The following POMP variants were observed in gnomAD, a reference collection of about 807,000 sequenced individuals.
POMP encodes the protein proteasome maturation protein.
In POMP, 12 loss-of-function variants were observed where a neutral mutation model predicts 20.6. That is an observed-to-expected ratio of 0.58 (90% CI 0.37 to 0.94). The LOEUF (loss-of-function observed/expected upper bound fraction) is 0.94, where lower values mean the gene tolerates loss of function less well. POMP is among the 40% of genes least tolerant of loss of function. POMP has a pLI of 0.01. For synonymous variants in POMP, 53 were observed against 55.0 expected (o/e 0.96, Z 0.16); for missense variants, 136 against 161.1 (o/e 0.84, Z 0.84).
At chr13:28,674,138 T>A (rs984465508) in intron 5 of POMP, among the ~76,000 whole-genome samples, 1 of 152,178 alleles carries the variant, frequency 6.6e-6, no homozygotes, top group Non-Finnish European at 1.5e-5. Context: ...CGGTTTGAGA[T>A]CTTACTCTAC....
In POMP at chr13:28,665,593, G is replaced by A. The variant is rs74620733; in HGVS notation, c.162+1024G>A. Among the ~76,000 whole-genome samples the A allele has an allele frequency of 1.9e-3, 288 of 152,290 alleles. 5 individuals carry two copies. The East Asian group carries it at 0.046, about 24-fold the overall frequency. The stretch of plus-strand genomic sequence containing the variant: ...ATAGATGGATACATATTCCACTTTT[G>A]TATAAAGGATCTAACTAAAAAATAA... On this transcript the variant is annotated intron_variant, in intron 3 of 5. Coordinates refer to ENST00000380842, the MANE Select transcript of POMP (RefSeq NM_015932.6).
Position 28,664,531 on chromosome 13 carries a change from C to G in POMP, c.124C>G (p.Leu42Val). 6.3e-7 allele frequency: 1 copy of G among 1,578,888 alleles called. No individual in the cohort carries two copies. The highest frequency in any genetic ancestry group is 1.1e-5 in the South Asian group (1 of 89,512). ...CAGTTTTTCTTGTGTGAAAAATGAA[C>G]TTTTGCCTAGTCATCCCCTTGAATT... ...RKGFSCVKNE[L>V]LPSHPLELSE... is the part of the protein sequence containing the mutation. The change falls in exon 3 of 6, where the codon CTT becomes GTT. Residue 42 changes from leucine to valine, a missense_variant. Physicochemically the swap from Leu to Val is conservative, Grantham distance 32. Coordinates refer to ENST00000380842, the MANE Select transcript of POMP (RefSeq NM_015932.6).
In POMP at chr13:28,668,524, G is replaced by C; in HGVS notation, c.214G>C (p.Gly72Arg). ...MNFSTLRNIQ[G>R]LFAPLKLQME... ...TTTTTCCACACTGAGAAACATTCAG[G>C]GTCTATTTGCTCCGCTAAAATTACA... The change falls in exon 4 of 6, where the codon GGT (glycine) becomes CGT (arginine). Residue 72 changes from glycine to arginine, a missense_variant. Transcript: ENST00000380842. 5.6e-6 allele frequency: 9 copies of C among 1,613,206 alleles called. No individual in the cohort carries two copies. The highest frequency in any genetic ancestry group is 7.6e-6 in the Non-Finnish European group (9 of 1,179,270).
chr13:28,669,334 A>G (rs1438266709), intron 4 of POMP, among the ~76,000 whole-genome samples: 1 of 152,076 alleles, frequency 6.6e-6, no homozygotes, highest in East Asian at 1.9e-4. Context: ...ATTTGACACT[A>G]ATAATGGCTT....
At chr13:28,666,562 C>A (rs1470119416) in intron 3 of POMP, among the ~76,000 whole-genome samples, 1 of 152,234 alleles carries the variant, frequency 6.6e-6, no homozygotes. Context: ...GGCAGTCTCA[C>A]TCTTTATGTG....
intron 3 of POMP, among the ~76,000 whole-genome samples, chr13:28,665,178 A>T (rs1355871129): frequency 6.6e-6 from 1 of 152,206 alleles, no homozygotes; most frequent in African/African-American, 2.4e-5. Flanking sequence ...TAAAGAGAGG[A>T]TAGCATGTAT....
intron 1 of POMP, among the ~76,000 whole-genome samples, chr13:28,661,431 A>AT (rs1401738870): frequency 6.6e-6 from 1 of 152,224 alleles, no homozygotes; most frequent in Non-Finnish European, 1.5e-5. Flanking sequence ...GCTCGACTGC[A>AT]TTCCAGCCTG....
chr13:28,670,787 C>A (rs1439809403), intron 4 of POMP, among the ~76,000 whole-genome samples: 1 of 152,336 alleles, frequency 6.6e-6, no homozygotes, highest in South Asian at 2.1e-4. Context: ...TGGCTCATGC[C>A]TGTAATCCCA....
Position 28,678,322 on chromosome 13 carries a change from C to T in POMP, c.*220C>T. The T allele has an allele frequency of 3.8e-6, 2 of 527,580 alleles. No homozygotes were observed. Among genetic ancestry groups the T allele is most frequent in the South Asian group, 4.4e-5 (2 of 44,968 alleles). The allele number at this position is 527,580 out of a possible 1,614,324, so 32.7% of individuals were successfully genotyped here. On this transcript the variant is annotated 3_prime_UTR_variant, in exon 6 of 6. Coordinates refer to ENST00000380842, the MANE Select transcript of POMP (RefSeq NM_015932.6). ...TTAAAGCTCTTAATTTATATTAAAA[C>T]AGTAGCCTTTGTCTTTAAAAAAGTT...
chr13:28,671,840 C>T (rs1398813723), intron 4 of POMP, among the ~76,000 whole-genome samples: 4 of 152,106 alleles, frequency 2.6e-5, no homozygotes, highest in African/African-American at 9.7e-5. Context: ...TCAAAGACCA[C>T]CTATTTTGGT....
At chr13:28,677,582 C>G (rs769443943) in intron 5 of POMP, among the ~76,000 whole-genome samples, 5 of 152,058 alleles carry the variant, frequency 3.3e-5, no homozygotes, top group Non-Finnish European at 7.4e-5. Context: ...AGAATTCTTA[C>G]GTTTGTGTGG....
chr13:28,659,274 C>CCGGTGG lies in POMP; in HGVS notation c.3+91_3+96dup, dbSNP rs1794516414. Reference sequence around the variant, plus strand: ...CAGGCAGTCGCCTCCCAACCCGTCCCCGGTGGCGGCGGCGGCGGCAGCGTG... The same window carrying CCGGTGG: ...CAGGCAGTCGCCTCCCAACCCGTCCCCGGTGGCGGTGGCGGCGGCGGCGGCAGCGTG... On this transcript the variant is annotated intron_variant, in intron 1 of 5. Coordinates refer to ENST00000380842, the MANE Select transcript of POMP (RefSeq NM_015932.6). The CCGGTGG allele has an allele frequency of 7.1e-6, 11 of 1,540,584 alleles. No individual in the cohort carries two copies. In the East Asian group the frequency reaches 9.8e-5, roughly 14 times the overall value.
chr13:28,675,746 G>A (rs1884617546), intron 5 of POMP, among the ~76,000 whole-genome samples: 1 of 152,080 alleles, frequency 6.6e-6, no homozygotes, highest in Non-Finnish European at 1.5e-5. Flanking sequence ...TCCTCAGGCT[G>A]TACAGGAAGC....
In POMP at chr13:28,673,260, G is replaced by A. The variant is rs188933958; in HGVS notation, c.358+828G>A. ...TAATTTTTGTATTTTTAGTAGAGAC[G>A]GGGTTTTACCATGTTGGCCAGGCTG... is the stretch of plus-strand genomic sequence containing the variant. On this transcript the variant is annotated intron_variant, in intron 5 of 5. Transcript: ENST00000380842. Among the ~76,000 whole-genome samples, 680 of 151,908 alleles carry A rather than the reference G, an allele frequency of 4.5e-3. 4 individuals carry two copies. Among genetic ancestry groups the A allele is most frequent in the African/African-American group, 0.015 (628 of 41,400 alleles).
chr13:28,672,009 A>G (rs1165748688), intron 4 of POMP, among the ~76,000 whole-genome samples: 1 of 152,220 alleles, frequency 6.6e-6, no homozygotes, highest in East Asian at 1.9e-4. Context: ...ATCATCCTAC[A>G]TGTATCAGGA....
At chr13:28,676,909 C>T (rs1285418568) in intron 5 of POMP, among the ~76,000 whole-genome samples, 1 of 152,186 alleles carries the variant, frequency 6.6e-6, no homozygotes, top group Non-Finnish European at 1.5e-5. Context: ...CAAAACCCGT[C>T]TCCACCAGTG....
At chr13:28,673,369 G>A (rs2029948076) in intron 5 of POMP, among the ~76,000 whole-genome samples, 2 of 152,042 alleles carry the variant, frequency 1.3e-5, no homozygotes, top group African/African-American at 2.4e-5. Context: ...GCACCCGGCC[G>A]AATCTGTTAT....
intron 3 of POMP, 145 bp downstream of exon 3, chr13:28,664,714 T>C (rs1353713132): frequency 6.8e-6 from 4 of 590,360 alleles, no homozygotes; most frequent in Non-Finnish European, 1.2e-5. Context: ...CCTTGTAGGA[T>C]AGACTTAAAA....
intron 5 of POMP, among the ~76,000 whole-genome samples, chr13:28,673,215 C>G (rs1220932630): frequency 1.3e-5 from 2 of 151,922 alleles, no homozygotes; most frequent in Non-Finnish European, 2.9e-5. Context: ...GGATTACAGG[C>G]ACCCATCACC....
Sources: allele counts gnomAD v4.1 joint callset (sites outside exome capture counted in the v4.1 genomes callset), GRCh38; gene constraint gnomAD v4.1.1; transcripts MANE v1.5; gene names NCBI Gene and HGNC (gene_info 2026-07-23, HGNC 2026-07-21).